Variants in HEATR5A observed in about 807,000 individuals in gnomAD.
HEATR5A encodes HEAT repeat-containing protein 5A.
HEATR5A carries 178 observed loss-of-function variants against 218.8 expected under a neutral mutation model. The observed-to-expected ratio is 0.81, with a 90% CI of 0.72 to 0.92. The LOEUF (loss-of-function observed/expected upper bound fraction) is 0.92, where lower values mean the gene tolerates loss of function less well. Ranked by LOEUF, HEATR5A falls within the 40% of genes least tolerant of loss-of-function variation. The pLI, the probability that HEATR5A is intolerant of heterozygous loss-of-function variation, is 0.00. For synonymous variants in HEATR5A, 864 were observed against 871.6 expected, an observed-to-expected ratio of 0.99 and a Z score of 0.15; for missense variants, 2,420 against 2,418.9, an observed-to-expected ratio of 1.00 and a Z score of -0.01.
At chr14:31,312,437 A>G (rs1464674137) in intron 28 of HEATR5A, among the ~76,000 whole-genome samples, 1 of 148,960 alleles carries the variant, frequency 6.7e-6, no homozygotes, top group African/African-American at 2.5e-5. Context: ...TTTGAGACAG[A>G]GTCTCACTCT....
At chr14:31,392,623 G>T (rs1431954781) in intron 6 of HEATR5A, among the ~76,000 whole-genome samples, 1 of 151,882 alleles carries the variant, frequency 6.6e-6, no homozygotes, top group African/African-American at 2.4e-5. Flanking sequence ...TTCTCTCCTG[G>T]GCACCAGACT....
chr14:31,379,757 G>A (rs1344440488), intron 11 of HEATR5A, among the ~76,000 whole-genome samples: 2 of 152,078 alleles, frequency 1.3e-5, no homozygotes, highest in Non-Finnish European at 2.9e-5. Context: ...AGTTCGAGAC[G>A]AGCCTGGGCA....
chr14:31,313,255 TA>T, intron 27 of HEATR5A, 65 bp from the exon 28 acceptor site: 1 of 1,235,960 alleles, frequency 8.1e-7, no homozygotes, highest in Middle Eastern at 2.5e-4. Context: ...ATAAAATTTT[TA>T]TATCTTCCTG....
chr14:31,401,753 A>G (rs993992496), intron 2 of HEATR5A, among the ~76,000 whole-genome samples: 2 of 152,250 alleles, frequency 1.3e-5, no homozygotes, highest in Non-Finnish European at 2.9e-5. Context: ...ATAGCTGCAT[A>G]AAGCAGTAAA....
chr14:31,399,152 T>C (rs35079623), intron 3 of HEATR5A, among the ~76,000 whole-genome samples: 1,608 of 152,346 alleles, frequency 0.011, 13 homozygotes, highest in Middle Eastern at 0.024. Context: ...CATGTGGACA[T>C]ACAGTTATAC....
intron 14 of HEATR5A, among the ~76,000 whole-genome samples, chr14:31,362,119 C>G (rs1260600304): frequency 2.0e-5 from 3 of 152,068 alleles, no homozygotes; most frequent in African/African-American, 7.2e-5. Context: ...CATGTGCCAC[C>G]ATGCCCAGCT....
intron 22 of HEATR5A, among the ~76,000 whole-genome samples, chr14:31,336,253 T>C (rs1330483911): frequency 9.7e-6 from 1 of 103,074 alleles, no homozygotes; most frequent in Admixed American, 1.1e-4. Flanking sequence ...TATATATATA[T>C]ATATATATAT....
At chr14:31,390,443 G>T (rs1187014506) in intron 6 of HEATR5A, among the ~76,000 whole-genome samples, 2 of 152,108 alleles carry the variant, frequency 1.3e-5, no homozygotes, top group Non-Finnish European at 2.9e-5. Context: ...GATCAAGGTG[G>T]TTAAAGTGAA....
At position 31,315,959 on chromosome 14, in the gene HEATR5A, A is replaced by G; in HGVS notation, c.4039-10T>C. The G allele has an allele frequency of 6.6e-7, 1 of 1,520,864 alleles. No individual in the cohort carries two copies. Among genetic ancestry groups the G allele is most frequent in the Non-Finnish European group, 8.8e-7 (1 of 1,131,836 alleles). 94.2% of individuals were successfully genotyped at this position (1,520,864 alleles called of 1,614,324 possible). A position where few individuals can be genotyped will look rare whatever the true frequency, so the allele number is the denominator to read the frequency against. On this transcript the variant is annotated splice_polypyrimidine_tract_variant and intron_variant, in intron 26 of 35. Transcript: ENST00000543095. ...TCCAGGCACTGCAAACCTAGTTTTC[A>G]AGAAATTAAAAGTTATATTTTAAAA... is the stretch of plus-strand genomic sequence containing the variant.
intron 10 of HEATR5A, among the ~76,000 whole-genome samples, chr14:31,381,974 A>G (rs1367550402): frequency 6.6e-6 from 1 of 152,222 alleles, no homozygotes; most frequent in African/African-American, 2.4e-5. Context: ...GAAGAAGGCT[A>G]GTGTATTTTA....
chr14:31,404,107 G>C (rs1248860210), intron 1 of HEATR5A, among the ~76,000 whole-genome samples: 1 of 152,072 alleles, frequency 6.6e-6, no homozygotes, highest in Non-Finnish European at 1.5e-5. Context: ...AATTATTTAA[G>C]AAATAAAACA....
At chr14:31,387,922 G>C (rs979585809) in intron 7 of HEATR5A, among the ~76,000 whole-genome samples, 1 of 152,106 alleles carries the variant, frequency 6.6e-6, no homozygotes, top group Admixed American at 6.6e-5. Context: ...ATTTTGGTCA[G>C]ACTACAGTTT....
rs139884128 is a variant in HEATR5A at position 31,369,391 on chromosome 14, T to C, written c.1961+2419A>G. Among the ~76,000 whole-genome samples, 488 of 151,960 alleles carry C rather than the reference T, an allele frequency of 3.2e-3. 2 individuals carry two copies. The highest frequency in any genetic ancestry group is 6.5e-3 in the Admixed American group (99 of 15,256). On this transcript the variant is annotated intron_variant, in intron 13 of 35. Transcript: ENST00000543095. ...ACTTTGGGAGGCTGAGGCCGGCAGA[T>C]CACTTGAGGCCTGAAGTTCAAAACC...
At chr14:31,294,129 G>A (rs1486604776) in intron 34 of HEATR5A, 25 bp from the exon 35 acceptor site, 2 of 1,407,204 alleles carry the variant, frequency 1.4e-6, no homozygotes, top group East Asian at 2.5e-5. Flanking sequence ...GAAAAGAATA[G>A]CAAATACTAT....
intron 28 of HEATR5A, among the ~76,000 whole-genome samples, chr14:31,310,680 T>G (rs945454157): frequency 2.0e-5 from 3 of 152,002 alleles, no homozygotes; most frequent in South Asian, 4.2e-4. Context: ...ATAAATAATT[T>G]TTTTTCCACT....
At chr14:31,376,903 T>C (rs1268891085) in intron 11 of HEATR5A, among the ~76,000 whole-genome samples, 1 of 152,062 alleles carries the variant, frequency 6.6e-6, no homozygotes, top group Non-Finnish European at 1.5e-5. Context: ...GACAGGAGGA[T>C]CACTTGAGCT....
chr14:31,368,105 G>A (rs1040297630), intron 13 of HEATR5A, among the ~76,000 whole-genome samples: 30 of 152,094 alleles, frequency 2.0e-4, no homozygotes, highest in South Asian at 2.1e-4. Flanking sequence ...TGTTCAGGTC[G>A]TGAAGGCAAA....
Position 31,353,175 on chromosome 14 carries a change from C to A in HEATR5A, c.2412-2458G>T, listed in dbSNP as rs182793599. Among the ~76,000 whole-genome samples the A allele has an allele frequency of 1.8e-3, 268 of 151,678 alleles. 1 individual carries two copies. The highest frequency in any genetic ancestry group is 6.8e-3 in the Middle Eastern group (2 of 294). ...CCATTAACATTTTGACATCTTTGTTCTTTTCTCCCTTAGACATATGAGTAA... is the reference window on the plus strand; with the variant it reads ...CCATTAACATTTTGACATCTTTGTTATTTTCTCCCTTAGACATATGAGTAA... On this transcript the variant is annotated intron_variant, in intron 16 of 35. Coordinates refer to ENST00000543095, the MANE Select transcript of HEATR5A (RefSeq NM_015473.4).
intron 16 of HEATR5A, among the ~76,000 whole-genome samples, chr14:31,352,929 C>G (rs1399198586): frequency 6.6e-6 from 1 of 150,464 alleles, no homozygotes; most frequent in Non-Finnish European, 1.5e-5. Context: ...GTACTCCAGC[C>G]TGGGTGACAA....
Sources: allele counts gnomAD v4.1 joint callset (sites outside exome capture counted in the v4.1 genomes callset), GRCh38; gene constraint gnomAD v4.1.1; transcripts MANE v1.5; gene names NCBI Gene and HGNC (gene_info 2026-07-23, HGNC 2026-07-21).